Variants in FBXL17 observed in about 807,000 individuals in gnomAD.
FBXL17 encodes the protein F-box and leucine rich repeat protein 17.
FBXL17 carries 22 observed loss-of-function variants against 66.2 expected under a neutral mutation model. The ratio of observed to expected loss-of-function variants is 0.33; its 90% CI spans 0.24 to 0.47. The LOEUF is 0.47. Ranked by LOEUF, FBXL17 falls within the 20% of genes least tolerant of loss-of-function variation. The probability of loss-of-function intolerance (pLI) is 1.00; values close to 1 mark genes in which losing one functional copy is unlikely to be tolerated. For synonymous variants in FBXL17, 474 were observed against 400.5 expected (o/e 1.18, Z -2.19); for missense variants, 878 against 948.2 (o/e 0.93, Z 0.97).
At chr5:108,193,020 T>A (rs1753530952) in intron 5 of FBXL17, among the ~76,000 whole-genome samples, 1 of 152,226 alleles carries the variant, frequency 6.6e-6, no homozygotes, top group Non-Finnish European at 1.5e-5. Context: ...GAAGTGTTAA[T>A]TTTTAAAAAT....
chr5:108,161,437 G>A (rs183616081), intron 6 of FBXL17, among the ~76,000 whole-genome samples: 18 of 152,308 alleles, frequency 1.2e-4, no homozygotes, highest in South Asian at 2.1e-4. Context: ...AGCGAGCTGA[G>A]ATCGTGCCAC....
intron 7 of FBXL17, among the ~76,000 whole-genome samples, chr5:107,919,342 G>A (rs1750236386): frequency 6.6e-6 from 1 of 152,094 alleles, no homozygotes; most frequent in South Asian, 2.1e-4. Context: ...TCCCACTTGG[G>A]TCCAAGCCTG....
Position 108,362,715 on chromosome 5 carries a change from T to G in FBXL17, c.1374+2023A>C, listed in dbSNP as rs746420499. Among the ~76,000 whole-genome samples, 175 of 152,268 alleles carry G rather than the reference T, an allele frequency of 1.1e-3. 2 individuals carry two copies. The highest frequency in any genetic ancestry group is 3.4e-3 in the Middle Eastern group (1 of 294). ...TAGTTAAAACATTAGAGTCTACATC[T>G]ATTAGAGCTCCAAATTGAAATGCTA... On this transcript the variant is annotated intron_variant, in intron 3 of 8. Coordinates refer to ENST00000542267, the MANE Select transcript of FBXL17 (RefSeq NM_001163315.3).
intron 8 of FBXL17, among the ~76,000 whole-genome samples, chr5:107,876,452 T>G (rs1441736265): frequency 6.6e-6 from 1 of 152,236 alleles, no homozygotes; most frequent in Non-Finnish European, 1.5e-5. Flanking sequence ...TGAGAATTGC[T>G]ACGTTTATGA....
intron 4 of FBXL17, among the ~76,000 whole-genome samples, chr5:108,341,018 G>A (rs1376071817): frequency 1.3e-5 from 2 of 152,080 alleles, no homozygotes; most frequent in Admixed American, 1.3e-4. Context: ...ATGCCGTAGA[G>A]AACTCTTGAA....
At chr5:108,138,541 G>A (rs991605922) in intron 6 of FBXL17, among the ~76,000 whole-genome samples, 2 of 152,158 alleles carry the variant, frequency 1.3e-5, no homozygotes, top group African/African-American at 4.8e-5. Context: ...GGTTAAAAAG[G>A]TAAACCAGAA....
At chr5:108,262,299 G>A (rs1393544909) in intron 4 of FBXL17, among the ~76,000 whole-genome samples, 1 of 151,372 alleles carries the variant, frequency 6.6e-6, no homozygotes, top group Non-Finnish European at 1.5e-5. Context: ...GGATGGTCTC[G>A]ATCTCCTGAC....
At chr5:108,324,650 G>A (rs114870931) in intron 4 of FBXL17, among the ~76,000 whole-genome samples, 3,189 of 152,080 alleles carry the variant, frequency 0.021, 118 homozygotes, top group African/African-American at 0.073. Context: ...TGTTCATAGC[G>A]TTACTTATAA....
At chr5:108,315,474 A>T (rs552310356) in intron 4 of FBXL17, among the ~76,000 whole-genome samples, 2 of 151,576 alleles carry the variant, frequency 1.3e-5, no homozygotes, top group Admixed American at 1.3e-4. Context: ...ATTTCAAAAT[A>T]TTTGTGTCAA....
Position 108,298,216 on chromosome 5 carries a change from C to A in FBXL17, c.1506+50183G>T, listed in dbSNP as rs536969356. ...CTCCATATGATATACAATGCCCCAA[C>A]AATAACTTTTTGTCTATTTAAGTTA... On this transcript the variant is annotated intron_variant, in intron 4 of 8. Transcript: ENST00000542267. 1.2e-4 allele frequency: 113 copies of A among 982,118 alleles called. No homozygotes were observed. The Middle Eastern group carries it at 6.3e-3, about 55-fold the overall frequency. 60.8% of individuals were successfully genotyped at this position (982,118 alleles called of 1,614,324 possible).
chr5:108,362,889 T>C (rs1185950915), intron 3 of FBXL17, among the ~76,000 whole-genome samples: 1 of 152,008 alleles, frequency 6.6e-6, no homozygotes, highest in Non-Finnish European at 1.5e-5. Flanking sequence ...TTCTAAAACA[T>C]TTCTCAATTT....
chr5:107,890,258 A>G (rs144528908), intron 7 of FBXL17, among the ~76,000 whole-genome samples: 2 of 152,226 alleles, frequency 1.3e-5, no homozygotes, highest in African/African-American at 2.4e-5. Context: ...GGGAAAGTAC[A>G]TTAGTGTCTC....
intron 6 of FBXL17, among the ~76,000 whole-genome samples, chr5:108,058,726 C>G (rs1432008482): frequency 6.6e-6 from 1 of 152,118 alleles, no homozygotes; most frequent in Non-Finnish European, 1.5e-5. Flanking sequence ...GAATTTGGGC[C>G]AGGTCTGTAC....
At chr5:108,294,857 ATCCACAGTTGTTCTTT>A (rs1393702923) in intron 4 of FBXL17, among the ~76,000 whole-genome samples, 21 of 152,160 alleles carry the variant, frequency 1.4e-4, no homozygotes, top group Non-Finnish European at 2.6e-4. Flanking sequence ...CTTACTTCAT[ATCCACAGTTGTTCTTT>A]AAAGCCATCT....
At chr5:107,925,540 C>G (rs1455578251) in intron 7 of FBXL17, among the ~76,000 whole-genome samples, 1 of 152,194 alleles carries the variant, frequency 6.6e-6, no homozygotes, top group African/African-American at 2.4e-5. Context: ...CTAGAAATGC[C>G]ACAGAATTAT....
At chr5:108,034,192 T>C (rs537335005) in intron 6 of FBXL17, among the ~76,000 whole-genome samples, 1 of 152,270 alleles carries the variant, frequency 6.6e-6, no homozygotes, top group African/African-American at 2.4e-5. Flanking sequence ...TCATTGCATA[T>C]AGCCCTCAAT....
intron 7 of FBXL17, among the ~76,000 whole-genome samples, chr5:107,973,597 A>C (rs757932529): frequency 2.0e-5 from 3 of 151,994 alleles, no homozygotes; most frequent in Non-Finnish European, 4.4e-5. Flanking sequence ...TTTGTTCCAC[A>C]GTTTTGAAAT....
At position 108,001,612 on chromosome 5, in the gene FBXL17, T is replaced by A. The variant is rs570146338; in HGVS notation, c.1822+19313A>T. 7.2e-4 allele frequency among the ~76,000 whole-genome samples: 110 copies of A among 152,216 alleles called. 1 individual carries two copies. Among genetic ancestry groups the A allele is most frequent in the Admixed American group, 7.0e-3 (107 of 15,296 alleles). On this transcript the variant is annotated intron_variant, in intron 7 of 8. Coordinates refer to ENST00000542267, the MANE Select transcript of FBXL17 (RefSeq NM_001163315.3). ...ACCTCCTGGGTTCAAGCCATTCTCC[T>A]GCCTCAGCCTCCCAAGTAGCTGGGA...
Position 108,262,086 on chromosome 5 carries a change from A to ATTT in FBXL17, c.1507-37861_1507-37859dup, listed in dbSNP as rs1056144916. On this transcript the variant is annotated intron_variant, in intron 4 of 8. Coordinates refer to ENST00000542267, the MANE Select transcript of FBXL17 (RefSeq NM_001163315.3). ...TATTTATTTATTTATTTATTTATTT[A>ATTT]TTTTTTTTGAGACAGAGTCTCGCTC... Among the ~76,000 whole-genome samples the ATTT allele has an allele frequency of 9.1e-5, 13 of 142,166 alleles. 1 individual carries two copies. In the East Asian group the frequency reaches 1.0e-3, roughly 11 times the overall value. The allele number at this position is 142,166 out of a possible 152,430, so 93.3% of individuals were successfully genotyped here.
Sources: allele counts gnomAD v4.1 joint callset (sites outside exome capture counted in the v4.1 genomes callset), GRCh38; gene constraint gnomAD v4.1.1; transcripts MANE v1.5; gene names NCBI Gene and HGNC (gene_info 2026-07-23, HGNC 2026-07-21).